MID1: variants seen among roughly 807,000 people sequenced by gnomAD.
The protein encoded by MID1 is E3 ubiquitin-protein ligase Midline-1.
In MID1, 7 loss-of-function variants were observed where a neutral mutation model predicts 40.4. That is an observed-to-expected ratio of 0.17 (90% CI 0.10 to 0.33). The LOEUF is 0.33. MID1 is among the 10% of genes least tolerant of loss of function. The pLI, the probability that MID1 is intolerant of heterozygous loss-of-function variation, is 1.00. For missense variants in MID1, 367 were observed against 558.5 expected, an observed-to-expected ratio of 0.66 and a Z score of 3.46; for synonymous variants, 229 against 221.2, an observed-to-expected ratio of 1.04 and a Z score of -0.31.
At chrX:10,519,898 G>A (rs1392421689) in intron 3 of MID1, among the ~76,000 whole-genome samples, 1 of 112,156 alleles carries the variant, frequency 8.9e-6, no homozygotes, top group Non-Finnish European at 1.9e-5. Context: ...GCACTTGTAA[G>A]TAAAAGCACA....
intron 1 of MID1, among the ~76,000 whole-genome samples, chrX:10,669,942 G>A (rs2042977769): frequency 8.9e-6 from 1 of 111,773 alleles, no homozygotes; most frequent in Non-Finnish European, 1.9e-5. Context: ...GAAATATGGA[G>A]TCCTTCCTCA....
intron 1 of MID1, among the ~76,000 whole-genome samples, chrX:10,657,069 C>T (rs1429173311): frequency 9.0e-6 from 1 of 111,149 alleles, no homozygotes; most frequent in East Asian, 2.8e-4. Flanking sequence ...GAATTAATGT[C>T]TCCCACTTCT....
intron 2 of MID1, among the ~76,000 whole-genome samples, chrX:10,530,806 G>A (rs1189190649): frequency 1.8e-5 from 2 of 111,886 alleles, no homozygotes; most frequent in African/African-American, 6.5e-5. Context: ...AATAGCAAGG[G>A]AAGCAGACAA....
At chrX:10,769,972 A>G (rs1003990966) in intron 1 of MID1, among the ~76,000 whole-genome samples, 1 of 111,799 alleles carries the variant, frequency 8.9e-6, no homozygotes, top group Non-Finnish European at 1.9e-5. Context: ...TGGCAGGAAA[A>G]ATATTTATAT....
chrX:10,764,662 T>C (rs1569164728), intron 1 of MID1, among the ~76,000 whole-genome samples: 1 of 111,895 alleles, frequency 8.9e-6, no homozygotes, highest in Non-Finnish European at 1.9e-5. Context: ...AGAACAGAAT[T>C]TCTTAGCACA....
chrX:10,467,511 T>C (rs1440072573), intron 7 of MID1, among the ~76,000 whole-genome samples: 1 of 112,187 alleles, frequency 8.9e-6, no homozygotes, highest in East Asian at 2.8e-4. Context: ...TTTCCATCTC[T>C]GATGCTGGTG....
intron 1 of MID1, among the ~76,000 whole-genome samples, chrX:10,805,296 C>T (rs1276400099): frequency 7.1e-5 from 7 of 98,799 alleles, no homozygotes; most frequent in African/African-American, 2.6e-4. Context: ...GTTCAATTCC[C>T]ACCTATGAGT....
Position 10,754,314 on chromosome X carries a change from TTGTTTTTTG to T in MID1, c.-187+79231_-187+79239del, listed in dbSNP as rs1250666940. On this transcript the variant is annotated intron_variant, in intron 1 of 10. Transcript: ENST00000380785. ...AGACAAGAGAGTTTTTTTTTGTTTT[TTGTTTTTTG>T]TTTTTTTTGTCATCTGTCAGCCTGC... 6.3e-4 allele frequency among the ~76,000 whole-genome samples: 67 copies of T among 106,448 alleles called. 2 individuals carry two copies. The highest frequency in any genetic ancestry group is 2.5e-3 in the African/African-American group (64 of 26,054). 92.4% of individuals were successfully genotyped at this position (106,448 alleles called of 115,157 possible).
chrX:10,570,557 A>T (rs1461505035), intron 1 of MID1, among the ~76,000 whole-genome samples: 1 of 112,624 alleles, frequency 8.9e-6, no homozygotes, highest in African/African-American at 3.2e-5. Context: ...ACATTCATTG[A>T]TTCCATTAAA....
chrX:10,495,095 T>C (rs776616436), intron 4 of MID1, among the ~76,000 whole-genome samples: 1 of 111,860 alleles, frequency 8.9e-6, no homozygotes, highest in South Asian at 3.7e-4. Context: ...GTATATGATA[T>C]AGTGAAACCC....
At chrX:10,678,440 C>T (rs1024503111) in intron 1 of MID1, among the ~76,000 whole-genome samples, 1 of 112,121 alleles carries the variant, frequency 8.9e-6, no homozygotes, top group African/African-American at 3.2e-5. Context: ...CTCTCACCAT[C>T]ACCTCTATCC....
At position 10,567,413 on chromosome X, in the gene MID1, G is replaced by T. The variant is rs996298206; in HGVS notation, c.135C>A (p.Asn45Lys). The T allele has an allele frequency of 1.7e-6, 2 of 1,207,517 alleles. No individual in the cohort carries two copies. Among genetic ancestry groups the T allele is most frequent in the Non-Finnish European group, 2.2e-6 (2 of 893,541 alleles). Reference sequence around the variant, plus strand: ...AGGCGGTGATGGACTCCACAGACTCGTTGGTGGCACAGTGTGATACTAGGA... The same window carrying T: ...AGGCGGTGATGGACTCCACAGACTCTTTGGTGGCACAGTGTGATACTAGGA... Reference protein sequence around the residue: ...HRILVSHCATNESVESITAFQ... With the variant: ...HRILVSHCATKESVESITAFQ... Residue 45 changes from asparagine (N) to lysine (K), a missense_variant, in exon 2 of 10, where the codon AAC becomes AAA. Physicochemically the swap from Asn to Lys is moderately conservative, Grantham distance 94. Transcript: ENST00000317552.
At chrX:10,763,851 C>T (rs767499206) in intron 1 of MID1, among the ~76,000 whole-genome samples, 205 of 111,857 alleles carry the variant, frequency 1.8e-3, no homozygotes, top group African/African-American at 6.0e-3. Context: ...TTTGAATGAT[C>T]GCCATTCTAA....
chrX:10,696,155 C>T (rs1394816802), intron 1 of MID1, among the ~76,000 whole-genome samples: 3 of 111,545 alleles, frequency 2.7e-5, no homozygotes, highest in Non-Finnish European at 1.9e-5. Context: ...CGAGTGGGCT[C>T]AAGCATGCAC....
chrX:10,489,784 C>T (rs1480622171), intron 4 of MID1, among the ~76,000 whole-genome samples: 2 of 108,366 alleles, frequency 1.8e-5, no homozygotes, highest in Non-Finnish European at 3.8e-5. Context: ...CAAACTCCGC[C>T]TCCCGGATTC....
intron 1 of MID1, among the ~76,000 whole-genome samples, chrX:10,577,515 C>T (rs932604292): frequency 6.3e-5 from 7 of 111,258 alleles, no homozygotes; most frequent in African/African-American, 2.3e-4. Flanking sequence ...TCATTTATTT[C>T]TTCCAAAAAT....
rs371617242 is a variant in MID1, at chrX:10,482,441, C to G, written c.1013+39G>C. 8.4e-6 allele frequency: 10 copies of G among 1,197,185 alleles called. No individual in the cohort carries two copies. In the African/African-American group the frequency reaches 1.4e-4, roughly 17 times the overall value. Reference sequence around the variant, plus strand: ...ACCAATCACAGCGCAGATACAAGAGCCCAGCAGCCGAGAAATTCCCAGGGG... The same window carrying G: ...ACCAATCACAGCGCAGATACAAGAGGCCAGCAGCCGAGAAATTCCCAGGGG... On this transcript the variant is annotated intron_variant, in intron 5 of 9. Coordinates refer to ENST00000317552, the MANE Select transcript of MID1 (RefSeq NM_000381.4).
chrX:10,763,314 C>T (rs1313199160), intron 1 of MID1, among the ~76,000 whole-genome samples: 6 of 103,127 alleles, frequency 5.8e-5, no homozygotes, highest in Admixed American at 2.1e-4. Context: ...TCCCTCCCCC[C>T]TTCCCCCCAC....
chrX:10,595,346 T>C (rs1935391578), intron 1 of MID1, among the ~76,000 whole-genome samples: 1 of 111,433 alleles, frequency 9.0e-6, no homozygotes, highest in African/African-American at 3.3e-5. Flanking sequence ...TATTTCTTTA[T>C]GGGGATGATT....
Sources: allele counts gnomAD v4.1 joint callset (sites outside exome capture counted in the v4.1 genomes callset), GRCh38; gene constraint gnomAD v4.1.1; transcripts MANE v1.5; gene names NCBI Gene and HGNC (gene_info 2026-07-23, HGNC 2026-07-21).